The following RAPH1 variants were observed in gnomAD, a reference collection of about 807,000 sequenced individuals.
RAPH1 encodes Ras association (RalGDS/AF-6) and pleckstrin homology domains 1, also known as ras-associated and pleckstrin homology domains-containing protein 1.
RAPH1 carries 18 observed loss-of-function variants against 88.1 expected under a neutral mutation model. That is an observed-to-expected ratio of 0.20 (90% CI 0.14 to 0.30). The LOEUF is 0.30. Among genes scored for constraint, RAPH1 ranks in the 10% least tolerant of loss-of-function variants. RAPH1 has a pLI of 1.00. For synonymous variants in RAPH1, 587 were observed against 559.0 expected, an observed-to-expected ratio of 1.05 and a Z score of -0.71; for missense variants, 1,448 against 1,543.2, an observed-to-expected ratio of 0.94 and a Z score of 1.03.
intron 1 of RAPH1, among the ~76,000 whole-genome samples, chr2:203,521,200 G>C (rs1689850171): frequency 1.3e-5 from 2 of 152,034 alleles, no homozygotes; most frequent in South Asian, 2.1e-4. Flanking sequence ...ATTACAGGTA[G>C]GTGCCACCAT....
chr2:203,489,658 C>G lies in RAPH1; in HGVS notation c.658G>C (p.Asp220His), dbSNP rs1370133396. The stretch of plus-strand genomic sequence containing the variant: ...GTTACTTTATCAATATCCAAAGAGT[C>G]CATGCTGGAGGCTGCGGAAGTGATG... ...SSITSAASSMDSLDIDKVTRP... is the reference protein window; with the variant it reads ...SSITSAASSMHSLDIDKVTRP... The change falls in exon 4 of 14, where the codon GAC becomes CAC. Residue 220 changes from aspartate to histidine, a missense_variant. By Grantham distance (81) the Asp-to-His change is moderately conservative. Coordinates refer to ENST00000319170, the MANE Select transcript of RAPH1 (RefSeq NM_213589.3). 2.5e-6 allele frequency: 4 copies of G among 1,614,086 alleles called. No individual in the cohort carries two copies. The Admixed American group carries it at 5.0e-5, about 20-fold the overall frequency.
At chr2:203,489,467 G>A in intron 4 of RAPH1, 117 bp downstream of exon 4, 2 of 743,420 alleles carry the variant, frequency 2.7e-6, no homozygotes, top group Non-Finnish European at 3.9e-6. Flanking sequence ...TATCTCAGAA[G>A]TATCTTTGAC....
chr2:203,461,388 C>T lies in RAPH1; in HGVS notation c.831G>A (p.Met277Ile). ...TCATTGTTTTAGAACTGTCATCAGACATGTGGACTCTGATCACCAGCTATA... is the reference window on the plus strand; with the variant it reads ...TCATTGTTTTAGAACTGTCATCAGATATGTGGACTCTGATCACCAGCTATA... Reference protein sequence around the residue: ...QVKKLVIRVHMSDDSSKTMMV... With the variant: ...QVKKLVIRVHISDDSSKTMMV... Residue 277 changes from methionine (M) to isoleucine (I), a missense_variant, in exon 6 of 14, where the codon ATG (methionine) becomes ATA (isoleucine). Around this residue, in one of 2 missense-constraint regions of RAPH1, gnomAD observed 513 missense variants for 653.1 expected, o/e 0.79. Transcript: ENST00000319170. The T allele has an allele frequency of 1.2e-6, 2 of 1,602,938 alleles. No homozygotes were observed. The highest frequency in any genetic ancestry group is 1.7e-6 in the Non-Finnish European group (2 of 1,174,768).
At chr2:203,445,905 C>T (rs1438664323) in intron 12 of RAPH1, 1 of 152,146 alleles carries the variant, frequency 6.6e-6, no homozygotes, top group East Asian at 1.9e-4. Context: ...CCTACATACC[C>T]GGCATCCAGT....
intron 4 of RAPH1, chr2:203,470,416 C>A: frequency 1.6e-6 from 1 of 640,492 alleles, no homozygotes; most frequent in East Asian, 2.8e-5. Flanking sequence ...GAATGATTCT[C>A]TATAATTAAT....
intron 10 of RAPH1, among the ~76,000 whole-genome samples, chr2:203,453,052 C>A (rs755507801): frequency 1.3e-5 from 2 of 152,204 alleles, no homozygotes; most frequent in Non-Finnish European, 2.9e-5. Flanking sequence ...AATGAAAGTT[C>A]AAGAGGCAAA....
Position 203,441,257 on chromosome 2 carries a change from G to GTA in RAPH1, c.1932_1933insTA (p.Pro645TyrfsTer27). 1.5e-6 allele frequency: 2 copies of GTA among 1,370,046 alleles called. No homozygotes were observed. The highest frequency in any genetic ancestry group is 2.0e-6 in the Non-Finnish European group (2 of 1,005,360). 84.9% of individuals were successfully genotyped at this position (1,370,046 alleles called of 1,614,324 possible). On this transcript the variant is annotated frameshift_variant, in exon 14 of 14. Coordinates refer to ENST00000319170, the MANE Select transcript of RAPH1 (RefSeq NM_213589.3). LOFTEE classifies it low-confidence loss of function (END_TRUNC). The stretch of plus-strand genomic sequence containing the variant: ...GACTGGCTGGGGAGTGGGGGAGGAG[G>GTA]GGGTGGTGGAGGGGGTGGTGGAGGA...
chr2:203,461,710 G>C (rs1356098819), intron 5 of RAPH1, 138 bp downstream of exon 5: 4 of 616,102 alleles, frequency 6.5e-6, no homozygotes, highest in Non-Finnish European at 2.6e-6. Context: ...AATACTACAT[G>C]TGAAAAATAT....
intron 1 of RAPH1, among the ~76,000 whole-genome samples, chr2:203,521,563 T>G (rs1399332190): frequency 6.6e-6 from 1 of 152,150 alleles, no homozygotes; most frequent in Non-Finnish European, 1.5e-5. Flanking sequence ...AGTGTAACAA[T>G]TGGCTACTAC....
At chr2:203,517,289 C>T (rs1392671175) in intron 1 of RAPH1, among the ~76,000 whole-genome samples, 1 of 138,592 alleles carries the variant, frequency 7.2e-6, no homozygotes, top group Non-Finnish European at 1.5e-5. Flanking sequence ...GATAAAGGGT[C>T]GAGTCTCCAA....
chr2:203,457,633 GAAA>G lies in RAPH1; in HGVS notation c.1093-41_1093-39del. Reference sequence around the variant, plus strand: ...ACATATGGAAGGGATGGGTGGGAGAGAAAAAAAGAAGGTTAAAGCATAAATCCA... The same window carrying G: ...ACATATGGAAGGGATGGGTGGGAGAGAAAAGAAGGTTAAAGCATAAATCCA... On this transcript the variant is annotated intron_variant, in intron 7 of 13. Transcript: ENST00000319170. 3 of 1,437,624 alleles carry G rather than the reference GAAA, an allele frequency of 2.1e-6. 1 individual carries two copies. Among genetic ancestry groups the G allele is most frequent in the South Asian group, 2.3e-5 (2 of 87,012 alleles). 89.1% of individuals were successfully genotyped at this position (1,437,624 alleles called of 1,614,324 possible).
chr2:203,504,389 C>T (rs1174122746), intron 1 of RAPH1, among the ~76,000 whole-genome samples: 1 of 152,228 alleles, frequency 6.6e-6, no homozygotes, highest in Admixed American at 6.5e-5. Flanking sequence ...TTGGGGCTTC[C>T]ACCCTCTGAA....
chr2:203,457,606 A>C lies in RAPH1; in HGVS notation c.1093-11T>G, dbSNP rs1375404073. The C allele has an allele frequency of 6.3e-7, 1 of 1,589,808 alleles. No homozygotes were observed. The highest frequency in any genetic ancestry group is 1.7e-5 in the Admixed American group (1 of 60,010). ...CCCCAAAAGATAATTCTGGAAAAAC[A>C]AACATATGGAAGGGATGGGTGGGAG... On this transcript the variant is annotated splice_polypyrimidine_tract_variant and intron_variant, in intron 7 of 13. Transcript: ENST00000319170.
chr2:203,453,543 C>T (rs531923622), intron 10 of RAPH1, among the ~76,000 whole-genome samples: 48 of 84,326 alleles, frequency 5.7e-4, no homozygotes, highest in African/African-American at 2.6e-3. Flanking sequence ...AAGACCCTGC[C>T]TCAAAAAAAA....
chr2:203,447,820 G>A (rs2098511328), intron 12 of RAPH1, 139 bp downstream of exon 12: 2 of 764,362 alleles, frequency 2.6e-6, no homozygotes, highest in Non-Finnish European at 4.1e-6. Flanking sequence ...TTTTAAAAAG[G>A]CATCTATTGA....
chr2:203,451,658 T>C (rs970982494), intron 10 of RAPH1, among the ~76,000 whole-genome samples: 5 of 152,166 alleles, frequency 3.3e-5, no homozygotes, highest in South Asian at 2.1e-4. Context: ...CCAAAACAGA[T>C]GAATACCTAT....
chr2:203,448,800 A>G lies in RAPH1; in HGVS notation c.1450T>C (p.Tyr484His). ...GTCCTCACATCATCACAACAAAGGTATTTGATATATTGAGATTTCTTCTGG... is the reference window on the plus strand; with the variant it reads ...GTCCTCACATCATCACAACAAAGGTGTTTGATATATTGAGATTTCTTCTGG... ...QIQKKSQYIK[Y>H]LCCDDVRTLH... The change falls in exon 11 of 14, where the codon TAC becomes CAC. Residue 484 changes from tyrosine to histidine, a missense_variant. Around this residue, in one of 2 missense-constraint regions of RAPH1, gnomAD observed 513 missense variants for 653.1 expected, o/e 0.79. Transcript: ENST00000319170. This position sits in a 1 kb window ranked among gnomAD's most constrained non-coding sequence, Gnocchi z 4.1. 5 of 1,611,362 alleles carry G rather than the reference A, an allele frequency of 3.1e-6. No homozygotes were observed. Among genetic ancestry groups the G allele is most frequent in the Non-Finnish European group, 4.2e-6 (5 of 1,178,990 alleles).
intron 1 of RAPH1, among the ~76,000 whole-genome samples, chr2:203,532,087 A>C (rs1424691092): frequency 6.6e-6 from 1 of 152,232 alleles, no homozygotes; most frequent in Non-Finnish European, 1.5e-5. Flanking sequence ...ATGATCTTGA[A>C]GACAGTGTGT....
intron 13 of RAPH1, chr2:203,441,807 G>A: frequency 7.8e-7 from 1 of 1,289,330 alleles, no homozygotes; most frequent in South Asian, 2.6e-5. Context: ...GGGGAGATGT[G>A]ATGGCTCCAG....
Sources: allele counts gnomAD v4.1 joint callset (sites outside exome capture counted in the v4.1 genomes callset), GRCh38; gene constraint gnomAD v4.1.1; regional missense constraint gnomAD v4.1.1; non-coding constraint Gnocchi (gnomAD v3.1); transcripts MANE v1.5; gene names NCBI Gene and HGNC (gene_info 2026-07-23, HGNC 2026-07-21).